The following IHO1 variants were observed in gnomAD, a reference collection of about 807,000 sequenced individuals.
IHO1 encodes interactor of HORMAD1 protein 1.
Under a neutral mutation model 31.0 loss-of-function variants are expected in IHO1, and 13 were observed. The ratio of observed to expected loss-of-function variants is 0.42; its 90% CI spans 0.27 to 0.67. The LOEUF is 0.67. IHO1 is among the 30% of genes least tolerant of loss of function. The probability of loss-of-function intolerance (pLI) is 0.24; values close to 1 mark genes in which losing one functional copy is unlikely to be tolerated. For missense variants in IHO1, 599 were observed against 687.5 expected (o/e 0.87, Z 1.44); for synonymous variants, 221 against 248.4 (o/e 0.89, Z 1.04).
intron 6 of IHO1, among the ~76,000 whole-genome samples, chr3:49,253,295 C>T (rs1194207100): frequency 6.6e-6 from 1 of 151,872 alleles, no homozygotes; most frequent in Admixed American, 6.6e-5. Flanking sequence ...CATGGTGGTG[C>T]ATGCCTGTAA....
Position 49,257,380 on chromosome 3 carries a change from C to A in IHO1, c.*98C>A. 1 of 1,261,722 alleles carries A rather than the reference C, an allele frequency of 7.9e-7. No homozygotes were observed. Among genetic ancestry groups the A allele is most frequent in the Non-Finnish European group, 1.1e-6 (1 of 896,236 alleles). The allele number at this position is 1,261,722 out of a possible 1,614,324, so 78.2% of individuals were successfully genotyped here. A position where few individuals can be genotyped will look rare whatever the true frequency, so the allele number is the denominator to read the frequency against. On this transcript the variant is annotated 3_prime_UTR_variant, in exon 8 of 8. Transcript: ENST00000452691. ...AAAGTCCCTGAAGCCTGCCAAGTACCCAGGGTCAGAGGCCCTGCTGAGGTG... is the reference window on the plus strand; with the variant it reads ...AAAGTCCCTGAAGCCTGCCAAGTACACAGGGTCAGAGGCCCTGCTGAGGTG...
chr3:49,203,437 C>T (rs1160941977), intron 1 of IHO1, among the ~76,000 whole-genome samples: 1 of 151,994 alleles, frequency 6.6e-6, no homozygotes, highest in African/African-American at 2.4e-5. Flanking sequence ...AGGGTAAGAG[C>T]AGTGGAGGAT....
intron 2 of IHO1, among the ~76,000 whole-genome samples, chr3:49,213,656 G>A (rs369685750): frequency 6.6e-6 from 1 of 152,316 alleles, no homozygotes; most frequent in Admixed American, 6.5e-5. Flanking sequence ...TGGAGGACCC[G>A]GTGCACCCTC....
intron 1 of IHO1, among the ~76,000 whole-genome samples, chr3:49,204,953 G>A (rs532787650): frequency 2.6e-5 from 4 of 151,942 alleles, no homozygotes; most frequent in South Asian, 2.1e-4. Flanking sequence ...ACTTGAACCC[G>A]GAAGGCGGAG....
intron 2 of IHO1, among the ~76,000 whole-genome samples, chr3:49,231,532 G>A (rs1394900891): frequency 6.6e-6 from 1 of 152,164 alleles, no homozygotes; most frequent in Non-Finnish European, 1.5e-5. Flanking sequence ...TTTTTGATAT[G>A]CCTATTAATG....
upstream of IHO1, chr3:49,199,150 C>CG (rs1553615272): frequency 1.3e-5 from 2 of 152,588 alleles, no homozygotes; most frequent in Non-Finnish European, 2.9e-5. Context: ...GTGGCCATTC[C>CG]GGCGTGAGTG....
At chr3:49,211,292 G>A (rs1048007289) in intron 1 of IHO1, among the ~76,000 whole-genome samples, 1 of 152,220 alleles carries the variant, frequency 6.6e-6, no homozygotes, top group African/African-American at 2.4e-5. Context: ...ACAGGCGTGA[G>A]CCACTGCGCC....
chr3:49,213,314 G>T (rs1429526435), intron 2 of IHO1, among the ~76,000 whole-genome samples: 1 of 151,384 alleles, frequency 6.6e-6, no homozygotes, highest in Admixed American at 6.6e-5. Flanking sequence ...AGACATAAAG[G>T]TTCTCCAAGT....
chr3:49,244,879 A>T (rs759386285), intron 6 of IHO1, 146 bp downstream of exon 6: 1 of 744,266 alleles, frequency 1.3e-6, no homozygotes, highest in Non-Finnish European at 2.4e-6. Flanking sequence ...TCCTGAAGAG[A>T]TGTGGAGCAC....
chr3:49,197,980 A>C (rs2046011647), upstream of IHO1, among the ~76,000 whole-genome samples: 2 of 152,046 alleles, frequency 1.3e-5, no homozygotes, highest in Admixed American at 1.3e-4. Context: ...CATTTGCCTC[A>C]GGCAATGCCA....
intron 2 of IHO1, among the ~76,000 whole-genome samples, chr3:49,223,950 G>A (rs888921744): frequency 1.3e-5 from 2 of 152,134 alleles, no homozygotes; most frequent in Admixed American, 6.5e-5. Context: ...GGGACCTTAC[G>A]ATGGACCAAA....
At position 49,257,180 on chromosome 3, in the gene IHO1, T is replaced by C; in HGVS notation, c.1683T>C (p.Ser561=). The part of the protein sequence containing the change: ...SQGDHQMSWF[S]DLNLGCSETP... The stretch of plus-strand genomic sequence containing the variant: ...GGGACCACCAGATGAGCTGGTTCAG[T>C]GACCTCAATCTCGGATGTTCAGAGA... The change falls in exon 8 of 8, where the codon AGT becomes AGC. Residue 561 remains serine (S), a synonymous_variant. Coordinates refer to ENST00000452691, the MANE Select transcript of IHO1 (RefSeq NM_001135197.2). 1 of 1,614,184 alleles carries C rather than the reference T, an allele frequency of 6.2e-7. No individual in the cohort carries two copies.
At chr3:49,204,048 T>C (rs980572482) in intron 1 of IHO1, among the ~76,000 whole-genome samples, 1 of 152,106 alleles carries the variant, frequency 6.6e-6, no homozygotes, top group African/African-American at 2.4e-5. Context: ...GGCTAGAAAG[T>C]TCAATATCAA....
Position 49,256,979 on chromosome 3 carries a change from A to G in IHO1, c.1482A>G (p.Glu494=), listed in dbSNP as rs1382373395. ...AAAGCCCCTTCCTGGGGCAGCAGGA[A>G]CCCCGTGCTCAGCCTCTGCATCTGC... is the stretch of plus-strand genomic sequence containing the variant. ...VPQSPFLGQQ[E]PRAQPLHLQC... Residue 494 remains glutamate (E), a synonymous_variant, in exon 8 of 8, where the codon GAA becomes GAG. Coordinates refer to ENST00000452691, the MANE Select transcript of IHO1 (RefSeq NM_001135197.2). The surrounding 1 kb of genome is among the most constrained non-coding windows in gnomAD (Gnocchi z 4.6). 5 of 1,614,038 alleles carry G rather than the reference A, an allele frequency of 3.1e-6. No homozygotes were observed. Among genetic ancestry groups the G allele is most frequent in the South Asian group, 1.1e-5 (1 of 91,084 alleles).
chr3:49,251,087 C>T (rs564640450), intron 6 of IHO1, among the ~76,000 whole-genome samples: 4 of 151,922 alleles, frequency 2.6e-5, no homozygotes, highest in South Asian at 2.1e-4. Flanking sequence ...TCCATTTTCA[C>T]GTCTCAATAT....
chr3:49,226,553 A>G (rs780496984), intron 2 of IHO1, among the ~76,000 whole-genome samples: 10 of 152,158 alleles, frequency 6.6e-5, no homozygotes, highest in African/African-American at 2.4e-4. Flanking sequence ...TCCAGTCCCC[A>G]TGATCTGAGT....
rs2046360967 is a variant in IHO1, at chr3:49,222,094, C to T, written c.56+10258C>T. The stretch of plus-strand genomic sequence containing the variant: ...GGGATTGTAGAGTAAGGATAGATTT[C>T]GTCATTTCTTGCAAACTGTCTGAGA... On this transcript the variant is annotated intron_variant, in intron 2 of 7. Transcript: ENST00000452691. 2.6e-5 allele frequency among the ~76,000 whole-genome samples: 4 copies of T among 152,120 alleles called. 1 individual carries two copies. The highest frequency in any genetic ancestry group is 2.6e-4 in the Admixed American group (4 of 15,260).
At chr3:49,215,626 A>G (rs1329674241) in intron 2 of IHO1, among the ~76,000 whole-genome samples, 1 of 152,224 alleles carries the variant, frequency 6.6e-6, no homozygotes, top group Non-Finnish European at 1.5e-5. Context: ...TTACCAAGGA[A>G]GAAGGCTTTA....
intron 4 of IHO1, among the ~76,000 whole-genome samples, chr3:49,243,551 G>T (rs2046656591): frequency 6.6e-6 from 1 of 151,736 alleles, no homozygotes; most frequent in South Asian, 2.1e-4. Context: ...GAGGTCAGGA[G>T]ATTGAGACCA....
Sources: allele counts gnomAD v4.1 joint callset (sites outside exome capture counted in the v4.1 genomes callset), GRCh38; gene constraint gnomAD v4.1.1; non-coding constraint Gnocchi (gnomAD v3.1); transcripts MANE v1.5; gene names NCBI Gene and HGNC (gene_info 2026-07-23, HGNC 2026-07-21).